The following HMGCL variants were observed in gnomAD, a reference collection of about 807,000 sequenced individuals.
The protein encoded by HMGCL is 3-hydroxy-3-methylglutaryl-CoA lyase.
A neutral mutation model predicts 37.3 loss-of-function variants in HMGCL; 26 were observed. The ratio of observed to expected loss-of-function variants is 0.70; its 90% CI spans 0.51 to 0.97. The LOEUF (loss-of-function observed/expected upper bound fraction) is 0.97. Among genes scored for constraint, HMGCL ranks in the 50% least tolerant of loss-of-function variants. The pLI, the probability that HMGCL is intolerant of heterozygous loss-of-function variation, is 0.00. For synonymous variants in HMGCL, 151 were observed against 148.0 expected (o/e 1.02, Z -0.15); for missense variants, 379 against 398.1 (o/e 0.95, Z 0.41).
At chr1:23,810,936 G>A in intron 5 of HMGCL, 137 bp from the exon 6 acceptor site, 1 of 722,884 alleles carries the variant, frequency 1.4e-6, no homozygotes, top group Non-Finnish European at 2.5e-6. Flanking sequence ...GGGCAGGGAT[G>A]GTACAATTCA....
intron 5 of HMGCL, chr1:23,813,807 A>C (rs1197403418): frequency 3.3e-6 from 1 of 300,680 alleles, no homozygotes; most frequent in East Asian, 8.1e-5. Context: ...TGATAAAGCC[A>C]GGACTCAACT....
At chr1:23,812,752 G>C (rs192794653) in intron 5 of HMGCL, among the ~76,000 whole-genome samples, 4 of 152,324 alleles carry the variant, frequency 2.6e-5, no homozygotes, top group East Asian at 1.9e-4. Context: ...AAGGGAACTT[G>C]AACGGTACGG....
chr1:23,809,895 G>T (rs1282538253), intron 6 of HMGCL: 2 of 152,508 alleles, frequency 1.3e-5, no homozygotes, highest in African/African-American at 4.8e-5. Context: ...GCCTTTAGGG[G>T]GCAGCAGGGT....
chr1:23,802,255 C>A lies in HMGCL; in HGVS notation c.*208G>T, dbSNP rs1287228548. 1 of 607,290 alleles carries A rather than the reference C, an allele frequency of 1.6e-6. No homozygotes were observed. The highest frequency in any genetic ancestry group is 2.9e-6 in the Non-Finnish European group (1 of 342,110). 37.6% of individuals were successfully genotyped at this position (607,290 alleles called of 1,614,324 possible). On this transcript the variant is annotated 3_prime_UTR_variant, in exon 9 of 9. Transcript: ENST00000374490. ...GGAGACTTCAGCCCTCAAAGCCTCT[C>A]ACTCCTCAGGTCTGGGCAGGAGGTC...
At chr1:23,803,191 C>G (rs1274519340) in intron 8 of HMGCL, among the ~76,000 whole-genome samples, 1 of 152,084 alleles carries the variant, frequency 6.6e-6, no homozygotes, top group African/African-American at 2.4e-5. Flanking sequence ...TGTGCCACCA[C>G]ACCCAGCTAA....
chr1:23,810,698 A>T (rs949354412), intron 6 of HMGCL, 38 bp downstream of exon 6: 10 of 1,595,304 alleles, frequency 6.3e-6, no homozygotes, highest in Non-Finnish European at 7.7e-6. Context: ...AAGGTGGCCA[A>T]CCCTCACCAA....
chr1:23,810,603 C>T (rs1638502026), intron 6 of HMGCL, 133 bp downstream of exon 6: 1 of 761,292 alleles, frequency 1.3e-6, no homozygotes, highest in Non-Finnish European at 2.3e-6. Context: ...ACAGCAGGAG[C>T]TTAATGAAGG....
At position 23,814,348 on chromosome 1, in the gene HMGCL, T is replaced by A. The variant is rs755304948; in HGVS notation, c.349-10A>T. ...TGGCTCCAGCAGCAACCTGCCAACA[T>A]CCAGGTGAACTCCTTTCAGCACTTT... On this transcript the variant is annotated splice_polypyrimidine_tract_variant and intron_variant, in intron 4 of 8. Coordinates refer to ENST00000374490, the MANE Select transcript of HMGCL (RefSeq NM_000191.3). The A allele has an allele frequency of 2.5e-6, 4 of 1,612,646 alleles. No individual in the cohort carries two copies. Among genetic ancestry groups the A allele is most frequent in the Non-Finnish European group, 3.4e-6 (4 of 1,179,852 alleles).
In HMGCL at chr1:23,806,401, C is replaced by T. The variant is rs998918010; in HGVS notation, c.750+1734G>A. 6.6e-6 allele frequency among the ~76,000 whole-genome samples: 1 copy of T among 152,206 alleles called. No homozygotes were observed. Among genetic ancestry groups the T allele is most frequent in the East Asian group, 1.9e-4 (1 of 5,190 alleles). On this transcript the variant is annotated intron_variant, in intron 7 of 8. Coordinates refer to ENST00000374490, the MANE Select transcript of HMGCL (RefSeq NM_000191.3). The surrounding 1 kb of genome is among the most constrained non-coding windows in gnomAD (Gnocchi z 4.0). ...CCTCTAACCCTGACATCTCTGCCCC[C>T]CTCTCCTCAGTCACACTGCTCCCGC...
At chr1:23,808,775 ACT>A (rs1185380692) in intron 6 of HMGCL, among the ~76,000 whole-genome samples, 1 of 130,020 alleles carries the variant, frequency 7.7e-6, no homozygotes, top group African/African-American at 2.9e-5. Flanking sequence ...ACCGGGTCTC[ACT>A]CTGTCATTCG....
intron 3 of HMGCL, among the ~76,000 whole-genome samples, chr1:23,817,069 C>A (rs556098501): frequency 3.9e-5 from 6 of 152,326 alleles, no homozygotes; most frequent in Admixed American, 2.0e-4. Context: ...CTGGGCCAGG[C>A]ACTGAGCTCA....
At chr1:23,816,496 TC>T (rs1638615705) in intron 4 of HMGCL, 178 bp downstream of exon 4, 2 of 710,866 alleles carry the variant, frequency 2.8e-6, no homozygotes, top group Non-Finnish European at 5.1e-6. Context: ...TATAGGCTTG[TC>T]AACTTGTCAA....
Position 23,806,776 on chromosome 1 carries a change from A to C in HMGCL, c.750+1359T>G. On this transcript the variant is annotated intron_variant, in intron 7 of 8. Transcript: ENST00000374490. The surrounding 1 kb of genome is among the most constrained non-coding windows in gnomAD (Gnocchi z 4.0). ...CAGCTGAATCCTTAATGCTGAGAACAGTGCCTAGCACACTAGGCACCGTTA... is the reference window on the plus strand; with the variant it reads ...CAGCTGAATCCTTAATGCTGAGAACCGTGCCTAGCACACTAGGCACCGTTA... 2.8e-6 allele frequency: 1 copy of C among 363,280 alleles called. No homozygotes were observed. The highest frequency in any genetic ancestry group is 2.1e-5 in the South Asian group (1 of 48,306). The allele number at this position is 363,280 out of a possible 1,614,324, so 22.5% of individuals were successfully genotyped here.
chr1:23,814,881 G>A (rs1048051935), intron 4 of HMGCL, among the ~76,000 whole-genome samples: 4 of 152,050 alleles, frequency 2.6e-5, no homozygotes, highest in African/African-American at 7.2e-5. Context: ...GGAATAGGGT[G>A]GGCCCCTAAT....
intron 5 of HMGCL, among the ~76,000 whole-genome samples, chr1:23,811,562 C>T (rs947920193): frequency 2.6e-5 from 4 of 152,102 alleles, no homozygotes; most frequent in South Asian, 2.1e-4. Flanking sequence ...ATGCTGGAGC[C>T]GAGAGGAGCC....
At chr1:23,818,508 G>T (rs999377298) in intron 2 of HMGCL, among the ~76,000 whole-genome samples, 2 of 152,014 alleles carry the variant, frequency 1.3e-5, no homozygotes, top group Non-Finnish European at 2.9e-5. Flanking sequence ...CCCCTTGCCT[G>T]CCTTCTCCAG....
rs115421410 is a variant in HMGCL at position 23,816,171 on chromosome 1, G to A, written c.348+504C>T. Among the ~76,000 whole-genome samples, 1,007 of 149,038 alleles carry A rather than the reference G, an allele frequency of 6.8e-3. 9 individuals are homozygous for A. Among genetic ancestry groups the A allele is most frequent in the African/African-American group, 0.023 (931 of 40,506 alleles). On this transcript the variant is annotated intron_variant, in intron 4 of 8. Coordinates refer to ENST00000374490, the MANE Select transcript of HMGCL (RefSeq NM_000191.3). ...AGCTTCTGGCCTCAAGCTGTTCTCCGGCCTCAGCCTCCCAAAGTGCTGGGA... is the reference window on the plus strand; with the variant it reads ...AGCTTCTGGCCTCAAGCTGTTCTCCAGCCTCAGCCTCCCAAAGTGCTGGGA...
At position 23,816,658 on chromosome 1, in the gene HMGCL, A is replaced by G; in HGVS notation, c.348+17T>C. 6.6e-7 allele frequency: 1 copy of G among 1,508,476 alleles called. No homozygotes were observed. Among genetic ancestry groups the G allele is most frequent in the Non-Finnish European group, 9.2e-7 (1 of 1,083,636 alleles). 93.4% of individuals were successfully genotyped at this position (1,508,476 alleles called of 1,614,324 possible). On this transcript the variant is annotated intron_variant, in intron 4 of 8. Transcript: ENST00000374490. ...AATCTCATTTCAGGAGCCCCCACCA[A>G]CAAGCTATCCTCTTACCGCTGCCTC...
At chr1:23,807,356 A>C (rs1638431826) in intron 7 of HMGCL, 1 of 436,990 alleles carries the variant, frequency 2.3e-6, no homozygotes, top group African/African-American at 2.0e-5. Flanking sequence ...AAACCGACCC[A>C]GAACATAACA....
Sources: gnomAD v4.1 joint callset for allele counts (sites outside exome capture counted in the v4.1 genomes callset) on GRCh38, gnomAD v4.1.1 for gene constraint, Gnocchi (gnomAD v3.1) non-coding constraint, MANE v1.5 for transcripts, NCBI Gene and HGNC (gene_info 2026-07-23, HGNC 2026-07-21) for gene names.